Variants in ZC3H12B observed in about 807,000 individuals in gnomAD.
The protein encoded by ZC3H12B is zinc finger CCCH-type containing 12B.
Under a neutral mutation model 43.9 loss-of-function variants are expected in ZC3H12B, and 7 were observed. The observed-to-expected ratio is 0.16, with a 90% CI of 0.09 to 0.30. The LOEUF is 0.30. Among genes scored for constraint, ZC3H12B ranks in the 10% least tolerant of loss-of-function variants. ZC3H12B has a pLI of 1.00. For synonymous variants in ZC3H12B, 222 were observed against 241.7 expected (o/e 0.92, Z 0.76); for missense variants, 475 against 670.2 (o/e 0.71, Z 3.22).
At chrX:65,108,160 G>A in the ZC3H12B span, among the ~76,000 whole-genome samples, 1 of 111,196 alleles carries the variant, frequency 9.0e-6, no homozygotes, top group Non-Finnish European at 1.9e-5. Context: ...TGAAAACCTA[G>A]GACATTGCTA....
the ZC3H12B span, among the ~76,000 whole-genome samples, chrX:65,248,373 C>G: frequency 1.8e-5 from 2 of 111,326 alleles, no homozygotes; most frequent in African/African-American, 6.5e-5. Flanking sequence ...CTTCCTTCAT[C>G]AGGTATTAAA....
exon 5 of ZC3H12B, chrX:65,507,424 G>A (rs148330089): frequency 1.2e-4 from 14 of 112,213 alleles, no homozygotes; most frequent in African/African-American, 1.9e-4. Flanking sequence ...GAACCTGCTC[G>A]TCTAAAATAG....
chrX:65,252,767 C>A, the ZC3H12B span, among the ~76,000 whole-genome samples: 17 of 111,825 alleles, frequency 1.5e-4, no homozygotes, highest in Non-Finnish European at 3.2e-4. Flanking sequence ...ATTTAAAGTA[C>A]CCTGTAGCAT....
Position 65,366,691 on chromosome X carries a change from T to C in ZC3H12B, n.54T>C, listed in dbSNP as rs907428216. The stretch of plus-strand genomic sequence containing the variant: ...ATACCACTGCTTCTTTTAAGAGTGA[T>C]GGGTTTCCCAGGTGATACTTGAAAG... On this transcript the variant is annotated non_coding_transcript_exon_variant, in exon 1 of 6. The change abolishes an upstream ATG in the 5' untranslated region. Coordinates refer to the ZC3H12B transcript ENST00000617377. 1.8e-5 allele frequency: 2 copies of C among 112,100 alleles called. No individual in the cohort carries two copies. The highest frequency in any genetic ancestry group is 3.8e-5 in the Non-Finnish European group (2 of 53,219). 9.2% of individuals were successfully genotyped at this position (112,100 alleles called of 1,213,427 possible). A position where few individuals can be genotyped will look rare whatever the true frequency, so the allele number is the denominator to read the frequency against.
At chrX:65,382,050 TG>T (rs1012167066) in intron 2 of ZC3H12B, among the ~76,000 whole-genome samples, 1 of 112,073 alleles carries the variant, frequency 8.9e-6, no homozygotes, top group African/African-American at 3.2e-5. Flanking sequence ...CCATTCCTTC[TG>T]AAACTATTCC....
chrX:65,101,840 T>C, the ZC3H12B span, among the ~76,000 whole-genome samples: 1 of 112,176 alleles, frequency 8.9e-6, no homozygotes, highest in African/African-American at 3.2e-5. Flanking sequence ...CTGATACTAT[T>C]CCAATCAATA....
the ZC3H12B span, among the ~76,000 whole-genome samples, chrX:65,118,934 A>G: frequency 9.2e-6 from 1 of 108,979 alleles, no homozygotes; most frequent in South Asian, 4.1e-4. Context: ...TTTCCTCAGA[A>G]TGATGGTTTC....
chrX:65,314,688 A>C, the ZC3H12B span, among the ~76,000 whole-genome samples: 25 of 111,662 alleles, frequency 2.2e-4, no homozygotes, highest in African/African-American at 7.8e-4. Context: ...ATGATACCAG[A>C]AGAAAACTGA....
chrX:65,216,663 C>T, the ZC3H12B span, among the ~76,000 whole-genome samples: 1 of 111,603 alleles, frequency 9.0e-6, no homozygotes, highest in Non-Finnish European at 1.9e-5. Flanking sequence ...TCACTCTTTC[C>T]CCACCACCAG....
chrX:65,222,183 A>C, the ZC3H12B span, among the ~76,000 whole-genome samples: 1 of 111,865 alleles, frequency 8.9e-6, no homozygotes, highest in Non-Finnish European at 1.9e-5. Flanking sequence ...CAGCAGCAGC[A>C]TAGAAGGGGC....
At chrX:65,108,498 C>T in the ZC3H12B span, among the ~76,000 whole-genome samples, 1 of 109,601 alleles carries the variant, frequency 9.1e-6, no homozygotes, top group East Asian at 2.9e-4. Context: ...TCATCAATAT[C>T]ACTCTCTTCT....
At chrX:65,484,240 T>C (rs760169687), upstream of ZC3H12B, among the ~76,000 whole-genome samples, 3 of 110,716 alleles carry the variant, frequency 2.7e-5, no homozygotes, top group Non-Finnish European at 5.7e-5. Context: ...TCAGGAAAAA[T>C]AACTAATGGG....
At chrX:65,421,678 C>T (rs1432933401) in intron 3 of ZC3H12B, among the ~76,000 whole-genome samples, 2 of 112,022 alleles carry the variant, frequency 1.8e-5, no homozygotes, top group Admixed American at 9.4e-5. Context: ...AGTGCAGCAA[C>T]GGGCCAGGTG....
the ZC3H12B span, among the ~76,000 whole-genome samples, chrX:65,161,584 C>A: frequency 9.0e-6 from 1 of 111,309 alleles, no homozygotes; most frequent in Non-Finnish European, 1.9e-5. Context: ...AGGATTGCAA[C>A]CCCTGCCTTT....
At chrX:65,193,993 GGC>G in the ZC3H12B span, among the ~76,000 whole-genome samples, 1 of 110,517 alleles carries the variant, frequency 9.0e-6, no homozygotes, top group African/African-American at 3.3e-5. Flanking sequence ...CACTTCATGT[GGC>G]TGGAGCAAGA....
intron 2 of ZC3H12B, among the ~76,000 whole-genome samples, chrX:65,375,922 T>A (rs2066340064): frequency 8.9e-6 from 1 of 111,786 alleles, no homozygotes; most frequent in South Asian, 3.7e-4. Flanking sequence ...GAGGAAAAAG[T>A]AAAGGGGACT....
At chrX:65,470,645 C>T (rs1265836039) in intron 3 of ZC3H12B, among the ~76,000 whole-genome samples, 1 of 111,202 alleles carries the variant, frequency 9.0e-6, no homozygotes, top group African/African-American at 3.3e-5. Context: ...CTTGAAGTAC[C>T]CACTCATGAG....
At chrX:65,162,951 G>C in the ZC3H12B span, among the ~76,000 whole-genome samples, 1 of 111,957 alleles carries the variant, frequency 8.9e-6, no homozygotes, top group South Asian at 3.7e-4. Flanking sequence ...TTTTGGTGTG[G>C]ATGTCCTTTC....
At chrX:65,126,473 A>C in the ZC3H12B span, among the ~76,000 whole-genome samples, 1 of 111,086 alleles carries the variant, frequency 9.0e-6, no homozygotes, top group Non-Finnish European at 1.9e-5. Context: ...CTAGGCAATT[A>C]TCTTTTTGTG....
Sources: gnomAD v4.1 joint callset for allele counts (sites outside exome capture counted in the v4.1 genomes callset) on GRCh38, gnomAD v4.1.1 for gene constraint, MANE v1.5 for transcripts, NCBI Gene and HGNC (gene_info 2026-07-23, HGNC 2026-07-21) for gene names.